The following TMPRSS2 variants were observed in gnomAD, a reference collection of about 807,000 sequenced individuals.
TMPRSS2 encodes transmembrane serine protease 2.
TMPRSS2 carries 59 observed loss-of-function variants against 67.4 expected under a neutral mutation model. That is an observed-to-expected ratio of 0.88 (90% CI 0.71 to 1.09). The LOEUF (loss-of-function observed/expected upper bound fraction) is 1.09, where lower values mean the gene tolerates loss of function less well. TMPRSS2 is among the 50% of genes least tolerant of loss of function. The pLI is 0.00. For missense variants in TMPRSS2, 668 were observed against 642.7 expected (o/e 1.04, Z -0.43); for synonymous variants, 257 against 257.0 (o/e 1.00, Z 0.00).
intron 1 of TMPRSS2, chr21:41,502,479 C>T (rs1259374844): frequency 1.9e-5 from 19 of 985,308 alleles, no homozygotes; most frequent in Non-Finnish European, 2.0e-5. Context: ...CAGCCTCAGA[C>T]TCAGTGCCCC....
chr21:41,489,604 G>T lies in TMPRSS2; in HGVS notation c.239-11C>A, dbSNP rs779846599. The T allele has an allele frequency of 6.2e-7, 1 of 1,608,436 alleles. No individual in the cohort carries two copies. The highest frequency in any genetic ancestry group is 8.5e-7 in the Non-Finnish European group (1 of 1,175,060). On this transcript the variant is annotated splice_polypyrimidine_tract_variant and intron_variant, in intron 3 of 13. Coordinates refer to ENST00000332149, the MANE Select transcript of TMPRSS2 (RefSeq NM_005656.4). Reference sequence around the variant, plus strand: ...GTGCTTTCTTAGTCTCTGGAAGAAGGAGGAGAGTGCAACGTTCAGACCAGA... The same window carrying T: ...GTGCTTTCTTAGTCTCTGGAAGAAGTAGGAGAGTGCAACGTTCAGACCAGA...
At chr21:41,497,882 G>A (rs1380208896) in intron 2 of TMPRSS2, among the ~76,000 whole-genome samples, 1 of 152,204 alleles carries the variant, frequency 6.6e-6, no homozygotes, top group Non-Finnish European at 1.5e-5. Context: ...TGAGGTCAAG[G>A]TGAGAATGCA....
intron 1 of TMPRSS2, among the ~76,000 whole-genome samples, chr21:41,500,511 T>C (rs1399732384): frequency 6.6e-6 from 1 of 152,214 alleles, no homozygotes; most frequent in African/African-American, 2.4e-5. Context: ...CATTAAACTA[T>C]AAAACCCCAA....
chr21:41,484,476 T>G (rs1400514492), intron 5 of TMPRSS2, among the ~76,000 whole-genome samples: 1 of 152,194 alleles, frequency 6.6e-6, no homozygotes, highest in Non-Finnish European at 1.5e-5. Context: ...GGACGGGTCA[T>G]ATTCTTCAGC....
At position 41,488,525 on chromosome 21, in the gene TMPRSS2, A is replaced by G. The variant is rs1414860835; in HGVS notation, c.326-12T>C. Reference sequence around the variant, plus strand: ...GCACTTGCTGCCCACTTGCAGAGAAAACAGAAGAGAGGTGCCCTTCAGGCT... The same window carrying G: ...GCACTTGCTGCCCACTTGCAGAGAAGACAGAAGAGAGGTGCCCTTCAGGCT... On this transcript the variant is annotated splice_polypyrimidine_tract_variant and intron_variant, in intron 4 of 13. Coordinates refer to ENST00000332149, the MANE Select transcript of TMPRSS2 (RefSeq NM_005656.4). The G allele has an allele frequency of 8.1e-6, 13 of 1,608,380 alleles. No individual in the cohort carries two copies. The highest frequency in any genetic ancestry group is 5.0e-5 in the Admixed American group (3 of 59,472).
intron 3 of TMPRSS2, among the ~76,000 whole-genome samples, chr21:41,491,586 A>G (rs2091336829): frequency 1.3e-5 from 2 of 152,212 alleles, no homozygotes; most frequent in Admixed American, 6.5e-5. Flanking sequence ...GTAGTTCATG[A>G]GAGAAATTCC....
intron 5 of TMPRSS2, among the ~76,000 whole-genome samples, chr21:41,486,257 C>T (rs1196010961): frequency 2.0e-5 from 3 of 152,184 alleles, no homozygotes; most frequent in East Asian, 1.9e-4. Context: ...CCACCACCAA[C>T]GCTGATCCAC....
At chr21:41,468,660 C>T (rs1208911856) in intron 11 of TMPRSS2, 122 bp from the exon 12 acceptor site, 4 of 1,150,610 alleles carry the variant, frequency 3.5e-6, no homozygotes, top group Non-Finnish European at 3.7e-6. Flanking sequence ...ATTTTCCAGC[C>T]CTGCCCCGGT....
chr21:41,507,476 A>T (rs112467088), intron 1 of TMPRSS2, among the ~76,000 whole-genome samples: 42,338 of 151,564 alleles, frequency 0.28, 6,175 homozygotes, highest in Non-Finnish European at 0.31. Context: ...GGCCGTTCGC[A>T]CCTCGCCCGG....
At chr21:41,473,172 T>C (rs1239105224) in intron 9 of TMPRSS2, among the ~76,000 whole-genome samples, 153 bp downstream of exon 9, 1 of 152,184 alleles carries the variant, frequency 6.6e-6, no homozygotes, top group East Asian at 1.9e-4. Context: ...ATGAGCGCAC[T>C]TGATGTCTCA....
At chr21:41,503,294 G>A (rs547471985) in intron 1 of TMPRSS2, among the ~76,000 whole-genome samples, 4 of 152,150 alleles carry the variant, frequency 2.6e-5, no homozygotes, top group Non-Finnish European at 5.9e-5. Flanking sequence ...GCAGGCAGGC[G>A]GCAGAGGCCC....
chr21:41,504,394 G>A (rs116020930), intron 1 of TMPRSS2, among the ~76,000 whole-genome samples: 49 of 152,242 alleles, frequency 3.2e-4, no homozygotes, highest in African/African-American at 9.9e-4. Context: ...GCCTGTCTTC[G>A]AGTTTCCTGC....
rs1601558983 is a variant in TMPRSS2, at chr21:41,467,678, C to T, written c.1467+56G>A. On this transcript the variant is annotated intron_variant, in intron 13 of 13. Coordinates refer to ENST00000332149, the MANE Select transcript of TMPRSS2 (RefSeq NM_005656.4). Reference sequence around the variant, plus strand: ...CAGCAGAACCACGCCTAACAGATGTCTGGCTTTGGCTCGAGGAATCGGAGA... The same window carrying T: ...CAGCAGAACCACGCCTAACAGATGTTTGGCTTTGGCTCGAGGAATCGGAGA... 3.8e-6 allele frequency: 6 copies of T among 1,592,952 alleles called. No homozygotes were observed. In the African/African-American group the frequency reaches 5.3e-5, roughly 14 times the overall value.
chr21:41,502,747 C>T (rs2091432632), intron 1 of TMPRSS2, among the ~76,000 whole-genome samples: 2 of 152,134 alleles, frequency 1.3e-5, no homozygotes, highest in African/African-American at 4.8e-5. Flanking sequence ...AAGAGTTCTA[C>T]TGAGAGAGAA....
intron 4 of TMPRSS2, 112 bp from the exon 5 acceptor site, chr21:41,488,625 G>A (rs1202084507): frequency 1.6e-6 from 2 of 1,221,268 alleles, no homozygotes; most frequent in Non-Finnish European, 2.3e-6. Flanking sequence ...CCAACTCCTG[G>A]CCCCACTGTG....
chr21:41,464,438 A>T lies in TMPRSS2; in HGVS notation c.*1704T>A, dbSNP rs993806800. 2 of 189,128 alleles carry T rather than the reference A, an allele frequency of 1.1e-5. No homozygotes were observed. The highest frequency in any genetic ancestry group is 2.2e-5 in the Non-Finnish European group (2 of 89,862). 11.7% of individuals were successfully genotyped at this position (189,128 alleles called of 1,614,324 possible). Reference sequence around the variant, plus strand: ...TGAGGGCACCAACCACAGGAGCACCAAGTCTGGCCTTGCCTCACCTTTGGT... The same window carrying T: ...TGAGGGCACCAACCACAGGAGCACCTAGTCTGGCCTTGCCTCACCTTTGGT... On this transcript the variant is annotated 3_prime_UTR_variant, in exon 14 of 14. Coordinates refer to ENST00000332149, the MANE Select transcript of TMPRSS2 (RefSeq NM_005656.4).
At chr21:41,470,600 G>A (rs1170711983) in intron 11 of TMPRSS2, 48 bp downstream of exon 11, 1 of 1,568,510 alleles carries the variant, frequency 6.4e-7, no homozygotes, top group East Asian at 2.3e-5. Flanking sequence ...CGAACCCAAT[G>A]CTCCATCTGT....
At chr21:41,484,056 C>T (rs896268368) in intron 5 of TMPRSS2, among the ~76,000 whole-genome samples, 2 of 152,224 alleles carry the variant, frequency 1.3e-5, no homozygotes, top group Admixed American at 6.5e-5. Context: ...GAGGTCGAGG[C>T]TGCAATGAGC....
chr21:41,497,711 G>A (rs1351491145), intron 2 of TMPRSS2, among the ~76,000 whole-genome samples: 8 of 152,170 alleles, frequency 5.3e-5, no homozygotes, highest in Admixed American at 6.5e-5. Context: ...GGGAAGGCCC[G>A]CCCATGCCTC....
Sources: gnomAD v4.1 joint callset for allele counts (sites outside exome capture counted in the v4.1 genomes callset) on GRCh38, gnomAD v4.1.1 for gene constraint, MANE v1.5 for transcripts, NCBI Gene and HGNC (gene_info 2026-07-23, HGNC 2026-07-21) for gene names.